DRD3: variants seen among roughly 807,000 people sequenced by gnomAD.
DRD3 encodes the protein D(3) dopamine receptor.
A neutral mutation model predicts 36.3 loss-of-function variants in DRD3; 19 were observed. The observed-to-expected ratio is 0.52, with a 90% CI of 0.36 to 0.77. DRD3 has a LOEUF of 0.77. Among genes scored for constraint, DRD3 ranks in the 30% least tolerant of loss-of-function variants. DRD3 has a pLI of 0.00. For synonymous variants in DRD3, 195 were observed against 203.7 expected (o/e 0.96, Z 0.36); for missense variants, 465 against 505.3 (o/e 0.92, Z 0.77).
chr3:114,161,114 G>A (rs975824557), intron 2 of DRD3, among the ~76,000 whole-genome samples: 11 of 152,076 alleles, frequency 7.2e-5, no homozygotes, highest in African/African-American at 2.2e-4. Context: ...TTCTTTCCTG[G>A]GGGGGTGGGC....
At chr3:114,198,752 T>C (rs1464547516) in intron 1 of DRD3, among the ~76,000 whole-genome samples, 2 of 152,146 alleles carry the variant, frequency 1.3e-5, no homozygotes, top group Non-Finnish European at 2.9e-5. Context: ...TTTTTGTTTT[T>C]TTAGAGGCAA....
intron 3 of DRD3, among the ~76,000 whole-genome samples, chr3:114,156,061 C>T (rs1015882589): frequency 3.3e-5 from 5 of 152,180 alleles, no homozygotes; most frequent in Non-Finnish European, 5.9e-5. Flanking sequence ...CACATTAACT[C>T]ATTTCATCTT....
At chr3:114,133,754 A>G (rs957873191) in intron 5 of DRD3, among the ~76,000 whole-genome samples, 4 of 15,928 alleles carry the variant, frequency 2.5e-4, no homozygotes, top group African/African-American at 4.4e-4. Context: ...TGTTTGAAGA[A>G]TCAGACTATT....
At chr3:114,181,617 T>G, upstream of DRD3, among the ~76,000 whole-genome samples, 1 of 152,126 alleles carries the variant, frequency 6.6e-6, no homozygotes, top group East Asian at 1.9e-4. Context: ...AGAAACTCCA[T>G]CTCAATAGCA....
chr3:114,171,651 C>G, intron 2 of DRD3, 72 bp downstream of exon 2: 1 of 1,444,602 alleles, frequency 6.9e-7, no homozygotes. Flanking sequence ...TTTTGAGCCC[C>G]AAAGGCCAGA....
chr3:114,178,394 A>G (rs772376937), intron 1 of DRD3, among the ~76,000 whole-genome samples: 1 of 152,164 alleles, frequency 6.6e-6, no homozygotes, highest in Non-Finnish European at 1.5e-5. Flanking sequence ...CTATCTTTTA[A>G]TTCTTCCTTG....
intron 2 of DRD3, 68 bp downstream of exon 2, chr3:114,171,655 G>T: frequency 6.9e-7 from 1 of 1,455,388 alleles, no homozygotes; most frequent in South Asian, 1.5e-5. Flanking sequence ...GAGCCCCAAA[G>T]GCCAGAACTC....
intron 2 of DRD3, among the ~76,000 whole-genome samples, chr3:114,169,320 G>A (rs989582674): frequency 2.6e-4 from 39 of 149,876 alleles, no homozygotes; most frequent in African/African-American, 8.6e-4. Flanking sequence ...TGGCTTTAGG[G>A]CCTCTTTTTG....
At chr3:114,142,489 T>C (rs914946725) in intron 4 of DRD3, among the ~76,000 whole-genome samples, 5 of 152,198 alleles carry the variant, frequency 3.3e-5, no homozygotes, top group African/African-American at 7.2e-5. Context: ...CAGGGTCAGA[T>C]AGGGGTATGG....
In DRD3 at chr3:114,184,269, G is replaced by C. The variant is rs188529532; in HGVS notation, c.-155-5493C>G. ...CTACTATTCTTTCTTCACTCTTTTT[G>C]GTTGTTAATGTCATAAAATTATACC... On this transcript the variant is annotated intron_variant, in intron 1 of 7. Transcript: ENST00000460779. 9.9e-4 allele frequency among the ~76,000 whole-genome samples: 151 copies of C among 151,972 alleles called. 1 individual carries two copies. Among genetic ancestry groups the C allele is most frequent in the African/African-American group, 3.4e-3 (139 of 41,430 alleles).
At chr3:114,161,319 A>G (rs1239319952) in intron 2 of DRD3, among the ~76,000 whole-genome samples, 1 of 152,234 alleles carries the variant, frequency 6.6e-6, no homozygotes, top group Non-Finnish European at 1.5e-5. Context: ...ATGACTGTGC[A>G]TAAAGATAGT....
At chr3:114,161,364 T>C (rs2077731377) in intron 2 of DRD3, among the ~76,000 whole-genome samples, 1 of 152,222 alleles carries the variant, frequency 6.6e-6, no homozygotes, top group South Asian at 2.1e-4. Context: ...CATCCAAGGA[T>C]CTTCTTATAT....
At chr3:114,166,534 A>G (rs1226206000) in intron 2 of DRD3, among the ~76,000 whole-genome samples, 3 of 152,132 alleles carry the variant, frequency 2.0e-5, no homozygotes, top group Admixed American at 6.5e-5. Flanking sequence ...ACCTTCCACC[A>G]TGGGATGACA....
At chr3:114,154,345 G>A (rs2077645763) in intron 3 of DRD3, among the ~76,000 whole-genome samples, 2 of 151,564 alleles carry the variant, frequency 1.3e-5, no homozygotes, top group South Asian at 4.2e-4. Flanking sequence ...GTGTGTGTGT[G>A]TATGTGTGTG....
At chr3:114,185,885 C>G (rs1375126394) in intron 1 of DRD3, among the ~76,000 whole-genome samples, 1 of 152,060 alleles carries the variant, frequency 6.6e-6, no homozygotes, top group Non-Finnish European at 1.5e-5. Flanking sequence ...CAATGTTGCC[C>G]AGGCTGGTGT....
intron 3 of DRD3, among the ~76,000 whole-genome samples, chr3:114,156,774 TCTTTCTTTCTTTCTTTC>T (rs2077678259): frequency 2.3e-5 from 3 of 127,830 alleles, no homozygotes; most frequent in Non-Finnish European, 5.0e-5. Context: ...TTTCTTTCTT[TCTTTCTTTCTTTCTTTC>T]TTTCTTTCTC....
At chr3:114,147,850 G>A (rs951473024) in intron 3 of DRD3, among the ~76,000 whole-genome samples, 2 of 152,174 alleles carry the variant, frequency 1.3e-5, no homozygotes, top group East Asian at 3.9e-4. Context: ...CAAAGTCTTG[G>A]GCTCAAGCAA....
intron 2 of DRD3, among the ~76,000 whole-genome samples, chr3:114,162,289 TA>T (rs2077740207): frequency 6.6e-6 from 1 of 152,254 alleles, no homozygotes; most frequent in South Asian, 2.1e-4. Flanking sequence ...GGAATTTCTA[TA>T]ACTTTGAAAC....
intron 3 of DRD3, among the ~76,000 whole-genome samples, chr3:114,156,138 A>G (rs2077665162): frequency 6.6e-6 from 1 of 152,168 alleles, no homozygotes; most frequent in Non-Finnish European, 1.5e-5. Context: ...GAATTTGCCA[A>G]AGCCACACCA....
Sources: gnomAD v4.1 joint callset for allele counts (sites outside exome capture counted in the v4.1 genomes callset) on GRCh38, gnomAD v4.1.1 for gene constraint, MANE v1.5 for transcripts, NCBI Gene and HGNC (gene_info 2026-07-23, HGNC 2026-07-21) for gene names.